GPR39: variants seen among roughly 807,000 people sequenced by gnomAD.
GPR39 encodes the protein zinc sensing receptor.
GPR39 carries 23 observed loss-of-function variants against 18.4 expected under a neutral mutation model. The ratio of observed to expected loss-of-function variants is 1.25; its 90% CI spans 0.90 to 1.77. The LOEUF (loss-of-function observed/expected upper bound fraction) is 1.77, where lower values mean the gene tolerates loss of function less well. GPR39 is among the 40% of genes most tolerant of loss of function. The probability of loss-of-function intolerance (pLI) is 0.00; values close to 1 mark genes in which losing one functional copy is unlikely to be tolerated. For missense variants in GPR39, 647 were observed against 602.4 expected (o/e 1.07, Z -0.78); for synonymous variants, 280 against 257.9 (o/e 1.09, Z -0.82).
intron 1 of GPR39, among the ~76,000 whole-genome samples, chr2:132,496,217 C>A (rs1681639654): frequency 6.6e-6 from 1 of 152,014 alleles, no homozygotes; most frequent in South Asian, 2.1e-4. Flanking sequence ...TTTTTTTCAC[C>A]CTTCCTGAAA....
At chr2:132,547,107 C>A (rs1679964596) in intron 1 of GPR39, among the ~76,000 whole-genome samples, 1 of 152,114 alleles carries the variant, frequency 6.6e-6, no homozygotes, top group Admixed American at 6.5e-5. Context: ...TGAGGAAGCC[C>A]ACTAATTGCA....
chr2:132,619,330 G>A (rs1169928106), intron 1 of GPR39, among the ~76,000 whole-genome samples: 3 of 152,190 alleles, frequency 2.0e-5, no homozygotes, highest in Non-Finnish European at 4.4e-5. Flanking sequence ...CATGGGTAAG[G>A]GCCCTCGCAA....
chr2:132,577,988 G>A (rs1680557331), intron 1 of GPR39, among the ~76,000 whole-genome samples: 1 of 151,466 alleles, frequency 6.6e-6, no homozygotes, highest in Non-Finnish European at 1.5e-5. Flanking sequence ...CTTTCATTAA[G>A]TGTAACGTTA....
At chr2:132,476,733 A>AG in intron 1 of GPR39, among the ~76,000 whole-genome samples, 1 of 151,834 alleles carries the variant, frequency 6.6e-6, no homozygotes, top group African/African-American at 2.4e-5. Flanking sequence ...GTAGGGATGG[A>AG]GGAAAAGCAT....
intron 1 of GPR39, among the ~76,000 whole-genome samples, chr2:132,441,282 C>G (rs1031057410): frequency 1.3e-5 from 2 of 152,102 alleles, no homozygotes; most frequent in African/African-American, 4.8e-5. Context: ...GCAGACAGTT[C>G]CCTGTTTACA....
At chr2:132,506,106 T>C (rs1024450345) in intron 1 of GPR39, among the ~76,000 whole-genome samples, 1 of 152,158 alleles carries the variant, frequency 6.6e-6, no homozygotes, top group African/African-American at 2.4e-5. Flanking sequence ...TAGAGTAAGA[T>C]GATATCTTAT....
intron 1 of GPR39, among the ~76,000 whole-genome samples, chr2:132,489,444 C>T (rs1053696391): frequency 6.6e-6 from 1 of 152,050 alleles, no homozygotes; most frequent in Non-Finnish European, 1.5e-5. Context: ...CGTGGGGCTG[C>T]TCAGGGTTCC....
At chr2:132,612,646 A>C (rs559798388) in intron 1 of GPR39, among the ~76,000 whole-genome samples, 10 of 152,252 alleles carry the variant, frequency 6.6e-5, no homozygotes, top group African/African-American at 2.4e-4. Flanking sequence ...AAATCAGGTG[A>C]CCTTATATGT....
chr2:132,580,553 T>C (rs1680605324), intron 1 of GPR39, among the ~76,000 whole-genome samples: 1 of 152,186 alleles, frequency 6.6e-6, no homozygotes, highest in South Asian at 2.1e-4. Flanking sequence ...GTACAATAAG[T>C]GTGTACCTTA....
chr2:132,602,072 C>T (rs1349717260), intron 1 of GPR39, among the ~76,000 whole-genome samples: 1 of 150,940 alleles, frequency 6.6e-6, no homozygotes. Flanking sequence ...CCACAAAAGA[C>T]CCCAAATAGC....
intron 1 of GPR39, among the ~76,000 whole-genome samples, chr2:132,608,067 C>A (rs1276168472): frequency 6.6e-6 from 1 of 152,052 alleles, no homozygotes; most frequent in East Asian, 1.9e-4. Flanking sequence ...CATTTTTCTC[C>A]TACTGGAAGA....
At chr2:132,544,631 C>G (rs1573657847) in intron 1 of GPR39, among the ~76,000 whole-genome samples, 2 of 152,250 alleles carry the variant, frequency 1.3e-5, no homozygotes, top group East Asian at 3.8e-4. Flanking sequence ...AGCTCCCACA[C>G]TTACCATGGG....
chr2:132,619,837 A>T (rs1681403823), intron 1 of GPR39, among the ~76,000 whole-genome samples: 1 of 137,404 alleles, frequency 7.3e-6, no homozygotes, highest in Non-Finnish European at 1.5e-5. Context: ...ACAGACACAC[A>T]CACACACACA....
intron 1 of GPR39, among the ~76,000 whole-genome samples, chr2:132,638,855 T>C (rs903085294): frequency 6.6e-6 from 1 of 152,212 alleles, no homozygotes. Context: ...CAAAGCCTGA[T>C]GGAGTGCTCT....
chr2:132,565,319 G>A (rs188495967), intron 1 of GPR39, among the ~76,000 whole-genome samples: 1 of 151,648 alleles, frequency 6.6e-6, no homozygotes, highest in East Asian at 2.0e-4. Context: ...GTCTTCCTAT[G>A]GACTCTCCCC....
chr2:132,545,547 A>G (rs903098905), intron 1 of GPR39, among the ~76,000 whole-genome samples: 2 of 152,200 alleles, frequency 1.3e-5, no homozygotes, highest in Non-Finnish European at 2.9e-5. Flanking sequence ...TACTAATGCT[A>G]AGAGTGGCTA....
intron 1 of GPR39, among the ~76,000 whole-genome samples, chr2:132,633,883 G>A (rs1681697361): frequency 6.6e-6 from 1 of 151,658 alleles, no homozygotes; most frequent in Non-Finnish European, 1.5e-5. Flanking sequence ...TGGTATTGTT[G>A]GTGGTATAGG....
chr2:132,604,418 G>C (rs546365401), intron 1 of GPR39: 6 of 152,300 alleles, frequency 3.9e-5, no homozygotes, highest in African/African-American at 1.2e-4. Context: ...AGCTATAAGG[G>C]CATAAAAGAC....
At chr2:132,584,054 A>T (rs530553545) in intron 1 of GPR39, among the ~76,000 whole-genome samples, 1 of 152,152 alleles carries the variant, frequency 6.6e-6, no homozygotes, top group South Asian at 2.1e-4. Flanking sequence ...AAGTTGCTGC[A>T]GGTAGGAAGT....
Sources: gnomAD v4.1 joint callset for allele counts (sites outside exome capture counted in the v4.1 genomes callset) on GRCh38, gnomAD v4.1.1 for gene constraint, MANE v1.5 for transcripts, NCBI Gene and HGNC (gene_info 2026-07-23, HGNC 2026-07-21) for gene names.